ABCB1: variants seen among roughly 807,000 people sequenced by gnomAD.
The protein encoded by ABCB1 is ATP-dependent translocase ABCB1.
In ABCB1, 69 loss-of-function variants were observed where a neutral mutation model predicts 142.0. The ratio of observed to expected loss-of-function variants is 0.49; its 90% confidence interval spans 0.40 to 0.59. The LOEUF (loss-of-function observed/expected upper bound fraction) is 0.59, where lower values mean the gene tolerates loss of function less well. ABCB1 is among the 20% of genes least tolerant of loss of function. The pLI is 0.00. For synonymous variants in ABCB1, 532 were observed against 539.2 expected (o/e 0.99, Z 0.18); for missense variants, 1,326 against 1,554.7 (o/e 0.85, Z 2.47).
upstream of ABCB1, among the ~76,000 whole-genome samples, chr7:87,601,653 C>T (rs916986684): frequency 6.6e-6 from 1 of 152,206 alleles, no homozygotes; most frequent in South Asian, 2.1e-4. Context: ...TTACTTCAAA[C>T]TGAGGAAAAG....
chr7:87,678,061 A>C (rs895548272), intron 1 of ABCB1, among the ~76,000 whole-genome samples: 1 of 152,224 alleles, frequency 6.6e-6, no homozygotes, highest in East Asian at 1.9e-4. Context: ...CTTCAGGCTA[A>C]AGGGAGATGG....
intron 3 of ABCB1, among the ~76,000 whole-genome samples, chr7:87,595,459 C>T (rs1819161667): frequency 6.6e-6 from 1 of 152,070 alleles, no homozygotes; most frequent in Admixed American, 6.5e-5. Context: ...TTAAAGACAG[C>T]ATTCTATGTG....
At chr7:87,710,596 C>A in intron 1 of ABCB1, 1 of 1,599,292 alleles carries the variant, frequency 6.3e-7, no homozygotes, top group Non-Finnish European at 8.5e-7. Context: ...GAGTAGCACT[C>A]ATGGAAAAAC....
At chr7:87,706,167 T>G (rs1033325611) in intron 1 of ABCB1, among the ~76,000 whole-genome samples, 1 of 152,202 alleles carries the variant, frequency 6.6e-6, no homozygotes, top group Non-Finnish European at 1.5e-5. Context: ...CATGCATCTT[T>G]CCATCCAATA....
rs773525613 is a variant in ABCB1 at position 87,544,944 on chromosome 7, A to G, written c.1943T>C (p.Ile648Thr). 3.0e-5 allele frequency: 48 copies of G among 1,613,970 alleles called. No individual in the cohort carries two copies. In the Admixed American group the frequency reaches 8.0e-4, roughly 27 times the overall value. Residue 648 changes from isoleucine to threonine, a missense_variant, in exon 16 of 28, where the codon ATT becomes ACT. Physicochemically the swap from Ile to Thr is moderately conservative, Grantham distance 89. Transcript: ENST00000622132. ...ATTTGAAGACATTTCCAAGGCATCA[A>G]TTTCACTTTTGGATTCATCAGCTGC... ...ENAADESKSEIDALEMSSNDS... is the reference protein window; with the variant it reads ...ENAADESKSETDALEMSSNDS...
At chr7:87,612,943 G>A (rs575834271) in intron 1 of ABCB1, among the ~76,000 whole-genome samples, 1 of 150,256 alleles carries the variant, frequency 6.7e-6, no homozygotes, top group South Asian at 2.1e-4. Flanking sequence ...TCTTTCTGCA[G>A]TGTTTCATAG....
At chr7:87,567,433 A>G (rs1817826465) in intron 5 of ABCB1, among the ~76,000 whole-genome samples, 1 of 152,182 alleles carries the variant, frequency 6.6e-6, no homozygotes. Context: ...TTACATCAGC[A>G]TCAGTTGATA....
chr7:87,700,858 A>G (rs769886807), intron 1 of ABCB1, among the ~76,000 whole-genome samples: 7 of 152,200 alleles, frequency 4.6e-5, no homozygotes, highest in Non-Finnish European at 7.4e-5. Flanking sequence ...TGCACTGCCA[A>G]TGCAGACACA....
At chr7:87,628,835 G>C in intron 1 of ABCB1, 1 of 1,259,610 alleles carries the variant, frequency 7.9e-7, no homozygotes, top group Non-Finnish European at 1.0e-6. Flanking sequence ...TGGCCTCCCG[G>C]AGCCTGGGGG....
intron 1 of ABCB1, among the ~76,000 whole-genome samples, chr7:87,633,223 G>T (rs900276686): frequency 1.3e-5 from 2 of 152,116 alleles, no homozygotes; most frequent in African/African-American, 2.4e-5. Flanking sequence ...ATTTATTTTG[G>T]AGCGCAGGAT....
intron 1 of ABCB1, among the ~76,000 whole-genome samples, chr7:87,661,847 G>C (rs919841546): frequency 6.6e-6 from 1 of 151,994 alleles, no homozygotes. Context: ...CATAGTGGCT[G>C]TACTAATTTA....
rs376550469 is a variant in ABCB1, at chr7:87,705,029, T to C, written c.-331+8132A>G. On this transcript the variant is annotated intron_variant, in intron 1 of 28. Transcript: ENST00000265724. Reference sequence around the variant, plus strand: ...TGGTGAACAGTATACAGTATACAAGTACACTTGTATCACAATTATATCACA... The same window carrying C: ...TGGTGAACAGTATACAGTATACAAGCACACTTGTATCACAATTATATCACA... Among the ~76,000 whole-genome samples the C allele has an allele frequency of 3.9e-4, 60 of 152,360 alleles. No homozygotes were observed. In the East Asian group the frequency reaches 4.8e-3, roughly 12 times the overall value.
chr7:87,518,439 T>C (rs576333695), intron 23 of ABCB1, among the ~76,000 whole-genome samples: 4 of 152,298 alleles, frequency 2.6e-5, no homozygotes, highest in African/African-American at 9.6e-5. Context: ...TTGGTTTTGA[T>C]CTCTAGGCCA....
intron 1 of ABCB1, among the ~76,000 whole-genome samples, chr7:87,659,034 G>A: frequency 6.6e-6 from 1 of 152,038 alleles, no homozygotes. Flanking sequence ...GCGTCTGTGG[G>A]TCCCACCTAT....
chr7:87,550,132 C>A, intron 12 of ABCB1, 39 bp downstream of exon 12: 1 of 1,614,118 alleles, frequency 6.2e-7, no homozygotes. Context: ...AATGTGACTG[C>A]TGATCACCGC....
intron 4 of ABCB1, among the ~76,000 whole-genome samples, chr7:87,583,842 T>C (rs1818620938): frequency 6.6e-6 from 1 of 152,144 alleles, no homozygotes; most frequent in East Asian, 1.9e-4. Context: ...GTGAGCAAGA[T>C]CTGGATGGAC....
chr7:87,702,437 C>G (rs1289089757), intron 1 of ABCB1, among the ~76,000 whole-genome samples: 1 of 151,882 alleles, frequency 6.6e-6, no homozygotes, highest in African/African-American at 2.4e-5. Flanking sequence ...TGCCACCATG[C>G]CTGGCAAATG....
intron 1 of ABCB1, among the ~76,000 whole-genome samples, chr7:87,676,505 A>G (rs1433204732): frequency 6.6e-6 from 1 of 151,992 alleles, no homozygotes; most frequent in South Asian, 2.1e-4. Context: ...GTTCAAGACA[A>G]CCAGCCTGGC....
Position 87,544,936 on chromosome 7 carries a change from A to G in ABCB1, c.1951T>C (p.Leu651=), listed in dbSNP as rs1816705901. 1 of 1,614,114 alleles carries G rather than the reference A, an allele frequency of 6.2e-7. No homozygotes were observed. The highest frequency in any genetic ancestry group is 2.2e-5 in the East Asian group (1 of 44,876). Residue 651 remains leucine (L), a synonymous_variant, in exon 16 of 28, where the codon TTG becomes CTG. Transcript: ENST00000622132. ...ADESKSEIDA[L]EMSSNDSRSS... is the part of the protein sequence containing the mutation. The stretch of plus-strand genomic sequence containing the variant: ...CTTGAATCATTTGAAGACATTTCCA[A>G]GGCATCAATTTCACTTTTGGATTCA...
Sources: allele counts gnomAD v4.1 joint callset (sites outside exome capture counted in the v4.1 genomes callset), GRCh38; gene constraint gnomAD v4.1.1; transcripts MANE v1.5; gene names NCBI Gene and HGNC (gene_info 2026-07-23, HGNC 2026-07-21).